CSMD1: variants seen among roughly 807,000 people sequenced by gnomAD.
CSMD1 encodes the protein CUB and sushi domain-containing protein 1.
CSMD1 carries 213 observed loss-of-function variants against 417.5 expected under a neutral mutation model. The ratio of observed to expected loss-of-function variants is 0.51; its 90% CI spans 0.46 to 0.57. CSMD1 has a LOEUF of 0.57. Among genes scored for constraint, CSMD1 ranks in the 20% least tolerant of loss-of-function variants. CSMD1 has a pLI of 0.00. For missense variants in CSMD1, 6,923 were observed against 4,529.7 expected (o/e 1.53, Z -15.17); for synonymous variants, 2,862 against 1,736.8 (o/e 1.65, Z -16.11).
At chr8:3,338,453 T>A (rs989217589) in intron 23 of CSMD1, among the ~76,000 whole-genome samples, 3 of 152,136 alleles carry the variant, frequency 2.0e-5, no homozygotes, top group Non-Finnish European at 2.9e-5. Flanking sequence ...TTCAGGATAG[T>A]GATGAGGGGA....
At position 3,819,087 on chromosome 8, in the gene CSMD1, G is replaced by A. The variant is rs559626121; in HGVS notation, c.819-65045C>T. Among the ~76,000 whole-genome samples, 12 of 152,306 alleles carry A rather than the reference G, an allele frequency of 7.9e-5. No homozygotes were observed. The East Asian group carries it at 2.1e-3, about 27-fold the overall frequency. The stretch of plus-strand genomic sequence containing the variant: ...TGGCACAGCTTCATAGCTTAAGGCA[G>A]AGTAGAGAGAAAAGTGTAGGAGGAG... On this transcript the variant is annotated intron_variant, in intron 5 of 69. Transcript: ENST00000635120.
At chr8:4,423,617 G>T (rs1000804439) in intron 2 of CSMD1, among the ~76,000 whole-genome samples, 1 of 152,022 alleles carries the variant, frequency 6.6e-6, no homozygotes, top group Non-Finnish European at 1.5e-5. Flanking sequence ...ATAATGTAAA[G>T]ATATAGGTTA....
intron 10 of CSMD1, among the ~76,000 whole-genome samples, chr8:3,572,244 A>T (rs1035279252): frequency 3.9e-5 from 6 of 152,154 alleles, no homozygotes; most frequent in Admixed American, 3.9e-4. Flanking sequence ...TGTCAAAAGG[A>T]GGAGAAGACT....
chr8:4,731,270 G>T (rs1209000141), intron 1 of CSMD1, among the ~76,000 whole-genome samples: 3 of 152,102 alleles, frequency 2.0e-5, no homozygotes, highest in Non-Finnish European at 1.5e-5. Context: ...CTTTTGTCTT[G>T]GTTAGAGGCC....
chr8:3,540,038 C>T (rs951600547), intron 10 of CSMD1, among the ~76,000 whole-genome samples: 6 of 152,168 alleles, frequency 3.9e-5, no homozygotes, highest in Non-Finnish European at 5.9e-5. Context: ...GTGTCTGCTG[C>T]TGTGTGCACC....
chr8:3,971,271 G>A (rs1813069501), intron 5 of CSMD1, among the ~76,000 whole-genome samples: 1 of 152,166 alleles, frequency 6.6e-6, no homozygotes, highest in Non-Finnish European at 1.5e-5. Flanking sequence ...TCTGCACTGT[G>A]ATTTCTATTC....
chr8:3,364,404 A>C (rs531521762), intron 20 of CSMD1, among the ~76,000 whole-genome samples: 2 of 152,276 alleles, frequency 1.3e-5, no homozygotes, highest in East Asian at 1.9e-4. Flanking sequence ...GTTATGTTTA[A>C]ATGAATTGTT....
At chr8:3,005,882 C>T (rs1410757230) in intron 52 of CSMD1, among the ~76,000 whole-genome samples, 1 of 152,056 alleles carries the variant, frequency 6.6e-6, no homozygotes. Context: ...TGCCCTCTCT[C>T]ACCACTCCTA....
intron 3 of CSMD1, among the ~76,000 whole-genome samples, chr8:4,337,841 G>C (rs993389863): frequency 1.3e-5 from 2 of 152,118 alleles, no homozygotes; most frequent in Non-Finnish European, 2.9e-5. Context: ...AAAACTTCTT[G>C]TTCCTTCGTA....
At chr8:4,038,695 T>C (rs1489042107) in intron 3 of CSMD1, among the ~76,000 whole-genome samples, 3 of 152,236 alleles carry the variant, frequency 2.0e-5, no homozygotes, top group South Asian at 2.1e-4. Context: ...TTCCCATAGA[T>C]GCTTCAAGAA....
intron 5 of CSMD1, among the ~76,000 whole-genome samples, chr8:3,962,787 T>G (rs1440183113): frequency 6.6e-6 from 1 of 152,166 alleles, no homozygotes; most frequent in Admixed American, 6.5e-5. Context: ...AATATTCATA[T>G]TTTTAAAAAC....
chr8:3,382,168 G>T (rs56113152), intron 18 of CSMD1, among the ~76,000 whole-genome samples: 2,585 of 151,878 alleles, frequency 0.017, 69 homozygotes, highest in African/African-American at 0.059. Context: ...CTGAGGCAGG[G>T]TAATCGCTTG....
At chr8:3,396,765 T>G (rs972609929) in intron 16 of CSMD1, among the ~76,000 whole-genome samples, 2 of 152,144 alleles carry the variant, frequency 1.3e-5, no homozygotes, top group Non-Finnish European at 2.9e-5. Context: ...AAACTATTTT[T>G]ACCATTCCCT....
intron 29 of CSMD1, among the ~76,000 whole-genome samples, chr8:3,216,438 A>G (rs1280470378): frequency 4.6e-5 from 7 of 152,146 alleles, no homozygotes; most frequent in Admixed American, 4.6e-4. Context: ...CACATCTATT[A>G]ATGTATGTCT....
intron 1 of CSMD1, among the ~76,000 whole-genome samples, chr8:4,892,937 C>T (rs1172667863): frequency 6.6e-6 from 1 of 152,074 alleles, no homozygotes. Context: ...TTATATGCCA[C>T]ATGGTGCATT....
At chr8:4,068,886 T>C (rs1563081067) in intron 3 of CSMD1, among the ~76,000 whole-genome samples, 1 of 152,214 alleles carries the variant, frequency 6.6e-6, no homozygotes, top group African/African-American at 2.4e-5. Flanking sequence ...ATTATGTATG[T>C]AAAAATATGG....
At chr8:4,959,524 C>G (rs1809337988) in intron 1 of CSMD1, among the ~76,000 whole-genome samples, 1 of 152,244 alleles carries the variant, frequency 6.6e-6, no homozygotes, top group Non-Finnish European at 1.5e-5. Context: ...CCAACAACTT[C>G]CAGCTGCTCC....
chr8:4,386,249 C>T (rs145568152), intron 3 of CSMD1, among the ~76,000 whole-genome samples: 1 of 151,864 alleles, frequency 6.6e-6, no homozygotes, highest in East Asian at 1.9e-4. Flanking sequence ...CACTATCAGA[C>T]ATTCTCCTAC....
intron 50 of CSMD1, among the ~76,000 whole-genome samples, chr8:3,029,915 C>A (rs1451108281): frequency 6.6e-6 from 1 of 152,056 alleles, no homozygotes; most frequent in African/African-American, 2.4e-5. Flanking sequence ...TGCAAACCAG[C>A]TGGGACACTA....
Sources: gnomAD v4.1 joint callset for allele counts (sites outside exome capture counted in the v4.1 genomes callset) on GRCh38, gnomAD v4.1.1 for gene constraint, MANE v1.5 for transcripts, NCBI Gene and HGNC (gene_info 2026-07-23, HGNC 2026-07-21) for gene names.